PNPLA7: variants seen among roughly 807,000 people sequenced by gnomAD.
PNPLA7 encodes patatin like domain 7, lysophospholipase, also known as patatin-like phospholipase domain-containing protein 7.
In PNPLA7, 153 loss-of-function variants were observed where a neutral mutation model predicts 161.7. The observed-to-expected ratio is 0.95, with a 90% CI of 0.83 to 1.08. The LOEUF is 1.08. PNPLA7 is among the 50% of genes least tolerant of loss of function. PNPLA7 has a pLI of 0.00. For synonymous variants in PNPLA7, 809 were observed against 782.1 expected (o/e 1.03, Z -0.57); for missense variants, 1,739 against 1,856.6 (o/e 0.94, Z 1.16).
rs112216896 is a variant in PNPLA7 at position 137,512,009 on chromosome 9, G to A, written c.1225+3370C>T. Among the ~76,000 whole-genome samples, 738 of 152,264 alleles carry A rather than the reference G, an allele frequency of 4.8e-3. 8 individuals are homozygous for A. Among genetic ancestry groups the A allele is most frequent in the African/African-American group, 0.017 (706 of 41,550 alleles). Reference sequence around the variant, plus strand: ...CCTTGTATACAATAAATAGCAGTGCGTCCAGGCCTTCAGGGCCACTACCGG... The same window carrying A: ...CCTTGTATACAATAAATAGCAGTGCATCCAGGCCTTCAGGGCCACTACCGG... On this transcript the variant is annotated intron_variant, in intron 12 of 34. Transcript: ENST00000406427.
chr9:137,462,374 A>C (rs1588524620), intron 30 of PNPLA7, 43 bp from the exon 31 acceptor site: 1 of 1,556,808 alleles, frequency 6.4e-7, no homozygotes. Flanking sequence ...CCCGGCCCCT[A>C]CCCCGTCCCA....
Position 137,547,735 on chromosome 9 carries a change from G to A in PNPLA7, c.31-76C>T, listed in dbSNP as rs1164212993. On this transcript the variant is annotated intron_variant, in intron 1 of 34. Transcript: ENST00000406427. The surrounding 1 kb of genome is among the most constrained non-coding windows in gnomAD (Gnocchi z 4.6). ...GAACTTGTTCAGAGCAGCAGGAGGA[G>A]AGCTGGGAGTTAGGGGAGAAGTCAG... 7.2e-7 allele frequency: 1 copy of A among 1,388,640 alleles called. No individual in the cohort carries two copies. Among genetic ancestry groups the A allele is most frequent in the Non-Finnish European group, 1.0e-6 (1 of 976,624 alleles). 86.0% of individuals were successfully genotyped at this position (1,388,640 alleles called of 1,614,324 possible).
chr9:137,540,551 A>T lies in PNPLA7; in HGVS notation c.747+91T>A. ...ACATCACTGTGGAGAACTGGCCTTTAACCACTACCAGCTGTCCAGACAAGA... is the reference window on the plus strand; with the variant it reads ...ACATCACTGTGGAGAACTGGCCTTTTACCACTACCAGCTGTCCAGACAAGA... On this transcript the variant is annotated intron_variant, in intron 8 of 34. Transcript: ENST00000406427. This position sits in a 1 kb window ranked among gnomAD's most constrained non-coding sequence, Gnocchi z 5.1. The T allele has an allele frequency of 8.4e-7, 1 of 1,188,806 alleles. No individual in the cohort carries two copies. The highest frequency in any genetic ancestry group is 1.2e-6 in the Non-Finnish European group (1 of 831,544). The allele number at this position is 1,188,806 out of a possible 1,614,324, so 73.6% of individuals were successfully genotyped here.
intron 23 of PNPLA7, among the ~76,000 whole-genome samples, chr9:137,480,088 G>A (rs1051240254): frequency 6.6e-6 from 1 of 152,254 alleles, no homozygotes; most frequent in Non-Finnish European, 1.5e-5. Flanking sequence ...GGAGGCTGCG[G>A]CTTCACAAGA....
chr9:137,484,408 G>A (rs1832363176), intron 21 of PNPLA7, among the ~76,000 whole-genome samples, 179 bp downstream of exon 21: 1 of 152,178 alleles, frequency 6.6e-6, no homozygotes, highest in Non-Finnish European at 1.5e-5. Flanking sequence ...TCAATTCCTT[G>A]CCCTTGAATC....
chr9:137,503,816 A>AAGGG (rs1564324581), intron 14 of PNPLA7, among the ~76,000 whole-genome samples: 6 of 532 alleles, frequency 0.011, no homozygotes, highest in East Asian at 0.045. Context: ...AAGGAAGAAG[A>AAGGG]TGAAGGAAGA....
chr9:137,488,393 C>T (rs1832600764), intron 20 of PNPLA7, among the ~76,000 whole-genome samples: 1 of 152,216 alleles, frequency 6.6e-6, no homozygotes, highest in Admixed American at 6.5e-5. Flanking sequence ...TTCCATATGG[C>T]CTTAGCCTTG....
chr9:137,546,962 C>T (rs1836564325), intron 3 of PNPLA7, 53 bp from the exon 4 acceptor site: 8 of 1,548,482 alleles, frequency 5.2e-6, no homozygotes, highest in Non-Finnish European at 6.2e-6. Flanking sequence ...CAGGCCTGGT[C>T]CTGGACATGC....
intron 8 of PNPLA7, among the ~76,000 whole-genome samples, chr9:137,530,617 G>A (rs1231822319): frequency 1.3e-5 from 2 of 152,196 alleles, no homozygotes; most frequent in Non-Finnish European, 2.9e-5. Flanking sequence ...TCTGCATTCT[G>A]TCCAGAGTTT....
intron 8 of PNPLA7, among the ~76,000 whole-genome samples, chr9:137,532,937 A>G: frequency 6.6e-6 from 1 of 151,580 alleles, no homozygotes; most frequent in East Asian, 1.9e-4. Context: ...TGTCCACTCC[A>G]GACGGGAACA....
chr9:137,549,914 G>A (rs561479383), intron 1 of PNPLA7, among the ~76,000 whole-genome samples: 11 of 152,308 alleles, frequency 7.2e-5, no homozygotes, highest in East Asian at 1.9e-4. Context: ...ATGGGCCACC[G>A]CTGGCTGCCC....
At chr9:137,516,271 TG>T in intron 11 of PNPLA7, 5 of 972,996 alleles carry the variant, frequency 5.1e-6, no homozygotes, top group Non-Finnish European at 6.1e-6. Context: ...TGGGCTCGCC[TG>T]GGATGGGCCA....
chr9:137,466,746 A>T (rs28410086), intron 26 of PNPLA7, among the ~76,000 whole-genome samples: 64 of 54,356 alleles, frequency 1.2e-3, no homozygotes, highest in African/African-American at 1.9e-3. Flanking sequence ...ATCTCCACCA[A>T]CTCAGACCCG....
rs1834911517 is a variant in PNPLA7 at position 137,520,138 on chromosome 9, C to T, written c.958-95G>A. 2 of 1,546,834 alleles carry T rather than the reference C, an allele frequency of 1.3e-6. No homozygotes were observed. The highest frequency in any genetic ancestry group is 1.7e-6 in the Non-Finnish European group (2 of 1,147,266). On this transcript the variant is annotated intron_variant, in intron 10 of 34. Coordinates refer to ENST00000406427, the MANE Select transcript of PNPLA7 (RefSeq NM_001098537.3). The surrounding 1 kb of genome is among the most constrained non-coding windows in gnomAD (Gnocchi z 5.2). ...TCAAAGGTGTGACAGGTGTGGGCTC[C>T]TCAAAGGTGTGACAGGTGTGGGCCC... is the stretch of plus-strand genomic sequence containing the variant.
chr9:137,537,567 G>A lies in PNPLA7; in HGVS notation c.747+3075C>T, dbSNP rs1243018024. ...CCTGACCTCGTGATCCGCCCACCTC[G>A]GCCTCCCAAAGTGCTGGGATTACAG... On this transcript the variant is annotated intron_variant, in intron 8 of 34. Coordinates refer to ENST00000406427, the MANE Select transcript of PNPLA7 (RefSeq NM_001098537.3). This position sits in a 1 kb window ranked among gnomAD's most constrained non-coding sequence, Gnocchi z 4.5. Among the ~76,000 whole-genome samples, 2 of 152,170 alleles carry A rather than the reference G, an allele frequency of 1.3e-5. No individual in the cohort carries two copies. Among genetic ancestry groups the A allele is most frequent in the South Asian group, 2.1e-4 (1 of 4,816 alleles).
In PNPLA7 at chr9:137,520,035, C is replaced by G; in HGVS notation, c.966G>C (p.Gln322His). Reference protein sequence around the residue: ...LTTELFNAESQAIPLVSVASV... With the variant: ...LTTELFNAESHAIPLVSVASV... ...TGGCTACAGACACGAGAGGGATGGC[C>G]TGGCTCTCCTGGGACACAAGAAGGA... Residue 322 changes from glutamine (Q) to histidine (H), a missense_variant, in exon 11 of 35, where the codon CAG becomes CAC. Physicochemically the swap from Gln to His is conservative, Grantham distance 24. This residue lies in a region of PNPLA7 where 152 missense variants were observed against 193.5 expected (regional missense o/e 0.79). Transcript: ENST00000406427. This position sits in a 1 kb window ranked among gnomAD's most constrained non-coding sequence, Gnocchi z 5.2. 1 of 1,612,412 alleles carries G rather than the reference C, an allele frequency of 6.2e-7. No homozygotes were observed. Among genetic ancestry groups the G allele is most frequent in the Non-Finnish European group, 8.5e-7 (1 of 1,179,896 alleles).
intron 25 of PNPLA7, among the ~76,000 whole-genome samples, chr9:137,469,175 G>T (rs371689262): frequency 6.6e-6 from 1 of 152,344 alleles, no homozygotes. Flanking sequence ...CAATGAGTGG[G>T]TCTAACGGCA....
chr9:137,513,390 C>G (rs755330580), intron 12 of PNPLA7, among the ~76,000 whole-genome samples: 8 of 151,418 alleles, frequency 5.3e-5, no homozygotes, highest in Non-Finnish European at 1.2e-4. Flanking sequence ...GCAGGAGAAT[C>G]ACTTGGACCT....
intron 21 of PNPLA7, 91 bp from the exon 22 acceptor site, chr9:137,481,114 G>C (rs1008047350): frequency 1.4e-6 from 2 of 1,395,618 alleles, no homozygotes; most frequent in East Asian, 5.0e-5. Flanking sequence ...TACCGACGCC[G>C]AGCCAGGCAC....
Sources: gnomAD v4.1 joint callset for allele counts (sites outside exome capture counted in the v4.1 genomes callset) on GRCh38, gnomAD v4.1.1 for gene constraint, gnomAD v4.1.1 regional missense constraint, Gnocchi (gnomAD v3.1) non-coding constraint, MANE v1.5 for transcripts, NCBI Gene and HGNC (gene_info 2026-07-23, HGNC 2026-07-21) for gene names.